The following BMP7 variants were observed in gnomAD, a reference collection of about 807,000 sequenced individuals.
The protein encoded by BMP7 is bone morphogenetic protein 7, also known as osteogenic protein 1.
A neutral mutation model predicts 41.2 loss-of-function variants in BMP7; 12 were observed. That is an observed-to-expected ratio of 0.29 (90% CI 0.19 to 0.47). BMP7 has a LOEUF of 0.47. Among genes scored for constraint, BMP7 ranks in the 20% least tolerant of loss-of-function variants. BMP7 has a pLI of 0.99. For missense variants in BMP7, 467 were observed against 606.0 expected, an observed-to-expected ratio of 0.77 and a Z score of 2.41; for synonymous variants, 248 against 250.0, an observed-to-expected ratio of 0.99 and a Z score of 0.07.
At chr20:57,245,918 G>A (rs1467575164) in intron 1 of BMP7, among the ~76,000 whole-genome samples, 2 of 152,150 alleles carry the variant, frequency 1.3e-5, no homozygotes, top group African/African-American at 2.4e-5. Flanking sequence ...GATTACAGGC[G>A]TCAGCCAGCA....
At chr20:57,197,840 A>C (rs1984530148) in intron 3 of BMP7, among the ~76,000 whole-genome samples, 1 of 152,196 alleles carries the variant, frequency 6.6e-6, no homozygotes, top group Non-Finnish European at 1.5e-5. Context: ...AGCTGCTGAG[A>C]CCACACAAAG....
At chr20:57,255,264 G>T (rs1237159207) in intron 1 of BMP7, among the ~76,000 whole-genome samples, 6 of 152,198 alleles carry the variant, frequency 3.9e-5, no homozygotes, top group Non-Finnish European at 7.3e-5. Flanking sequence ...AGCTGTGCAT[G>T]TTTGGGCCCC....
chr20:57,253,705 A>G (rs1213433299), intron 1 of BMP7, among the ~76,000 whole-genome samples: 3 of 152,330 alleles, frequency 2.0e-5, no homozygotes, highest in East Asian at 3.9e-4. Flanking sequence ...CATAACAGAG[A>G]AATGATGAGA....
intron 2 of BMP7, among the ~76,000 whole-genome samples, chr20:57,221,578 C>T (rs1359809914): frequency 1.3e-5 from 2 of 152,048 alleles, no homozygotes; most frequent in Non-Finnish European, 2.9e-5. Context: ...TCTGGGAGGC[C>T]AAGGCAGGAG....
At chr20:57,256,157 T>C (rs6025469) in intron 1 of BMP7, among the ~76,000 whole-genome samples, 61,081 of 151,966 alleles carry the variant, frequency 0.4, 12,679 homozygotes, top group African/African-American at 0.51. Context: ...AAGCGCAAGA[T>C]GGGAGGAGGC....
chr20:57,190,399 G>A (rs1474464856), intron 3 of BMP7, among the ~76,000 whole-genome samples: 1 of 127,288 alleles, frequency 7.9e-6, no homozygotes, highest in Non-Finnish European at 1.7e-5. Flanking sequence ...GCCCGAGGGG[G>A]TGAGGCTGGA....
chr20:57,177,155 G>C (rs1468550781), intron 4 of BMP7, among the ~76,000 whole-genome samples: 1 of 152,158 alleles, frequency 6.6e-6, no homozygotes, highest in Non-Finnish European at 1.5e-5. Context: ...ATTGTGGAAT[G>C]AAATGGGCTA....
At chr20:57,255,799 CAAAAAA>C (rs3067106) in intron 1 of BMP7, among the ~76,000 whole-genome samples, 3 of 48,622 alleles carry the variant, frequency 6.2e-5, no homozygotes, top group East Asian at 8.1e-4. Context: ...GACTCCATCT[CAAAAAA>C]AAAAAAAAAA....
rs1268404312 is a variant in BMP7, at chr20:57,256,853, A to C, written c.418+8852T>G. ...CAGTGAGCCAAGATCGCGCCACTGC[A>C]CTCCAGCCTGGGCAACAAAAGCGAA... On this transcript the variant is annotated intron_variant, in intron 1 of 6. Coordinates refer to ENST00000395863, the MANE Select transcript of BMP7 (RefSeq NM_001719.3). 2.6e-5 allele frequency among the ~76,000 whole-genome samples: 4 copies of C among 152,224 alleles called. No individual in the cohort carries two copies. The East Asian group carries it at 7.7e-4, about 29-fold the overall frequency.
chr20:57,189,823 C>T (rs1039625926), intron 3 of BMP7, among the ~76,000 whole-genome samples: 10 of 152,172 alleles, frequency 6.6e-5, no homozygotes, highest in Non-Finnish European at 8.8e-5. Context: ...TGGGGCACAT[C>T]GGTGAATGAG....
intron 6 of BMP7, among the ~76,000 whole-genome samples, chr20:57,172,097 C>T (rs1241680699): frequency 2.6e-5 from 4 of 152,178 alleles, no homozygotes; most frequent in Admixed American, 2.0e-4. Flanking sequence ...CGATGGCACT[C>T]CTGTTCCATG....
intron 2 of BMP7, chr20:57,225,819 T>C (rs570381790): frequency 2.1e-6 from 1 of 467,444 alleles, no homozygotes; most frequent in Non-Finnish European, 4.5e-6. Context: ...CTCCACTGCT[T>C]CTCACCCTAT....
chr20:57,191,527 G>T (rs550348829), intron 3 of BMP7, among the ~76,000 whole-genome samples: 1 of 151,884 alleles, frequency 6.6e-6, no homozygotes, highest in Non-Finnish European at 1.5e-5. Context: ...GAGAAACCCC[G>T]TGTTGTAGAG....
In BMP7 at chr20:57,180,519, T is replaced by C. The variant is rs993937690; in HGVS notation, c.958+3203A>G. Among the ~76,000 whole-genome samples the C allele has an allele frequency of 2.6e-5, 4 of 152,158 alleles. No individual in the cohort carries two copies. In the South Asian group the frequency reaches 6.2e-4, roughly 24 times the overall value. ...TGCGTTCCCTAGGCACCACCCTGAC[T>C]CTGGGTCTGTTACTATGTATGGATG... On this transcript the variant is annotated intron_variant, in intron 4 of 6. Coordinates refer to ENST00000395863, the MANE Select transcript of BMP7 (RefSeq NM_001719.3).
chr20:57,220,861 C>T (rs550391911), intron 2 of BMP7, among the ~76,000 whole-genome samples: 3 of 152,298 alleles, frequency 2.0e-5, no homozygotes, highest in African/African-American at 4.8e-5. Context: ...AGAGAAAGCA[C>T]ATTGGAGCAT....
At chr20:57,209,293 A>ATGT (rs1276826754) in intron 2 of BMP7, among the ~76,000 whole-genome samples, 1 of 142,030 alleles carries the variant, frequency 7.0e-6, no homozygotes, top group Non-Finnish European at 1.5e-5. Flanking sequence ...ATATGTATAT[A>ATGT]AATTAACCAG....
At chr20:57,175,846 G>A (rs993387792) in intron 4 of BMP7, among the ~76,000 whole-genome samples, 3 of 151,594 alleles carry the variant, frequency 2.0e-5, no homozygotes, top group Non-Finnish European at 2.9e-5. Flanking sequence ...CCACAGGCCC[G>A]GTGTGCTCTG....
intron 3 of BMP7, among the ~76,000 whole-genome samples, chr20:57,192,042 TA>T (rs1984373058): frequency 8.1e-6 from 1 of 123,658 alleles, no homozygotes; most frequent in Non-Finnish European, 1.6e-5. Flanking sequence ...TAGCATATTA[TA>T]GTATATTATA....
chr20:57,217,600 A>G (rs73914170), intron 2 of BMP7, among the ~76,000 whole-genome samples: 127 of 152,286 alleles, frequency 8.3e-4, no homozygotes, highest in African/African-American at 3.0e-3. Flanking sequence ...ACGGAGCGAT[A>G]GTGGGAGAGG....
Sources: gnomAD v4.1 joint callset for allele counts (sites outside exome capture counted in the v4.1 genomes callset) on GRCh38, gnomAD v4.1.1 for gene constraint, MANE v1.5 for transcripts, NCBI Gene and HGNC (gene_info 2026-07-23, HGNC 2026-07-21) for gene names.